EIF4ENIF1: variants seen among roughly 807,000 people sequenced by gnomAD.
EIF4ENIF1 encodes eukaryotic translation initiation factor 4E transporter.
A neutral mutation model predicts 110.5 loss-of-function variants in EIF4ENIF1; 23 were observed. That is an observed-to-expected ratio of 0.21 (90% CI 0.15 to 0.29). The LOEUF is 0.29. EIF4ENIF1 is among the 10% of genes least tolerant of loss of function. The probability of loss-of-function intolerance (pLI) is 1.00; values close to 1 mark genes in which losing one functional copy is unlikely to be tolerated. For synonymous variants in EIF4ENIF1, 440 were observed against 437.0 expected (o/e 1.01, Z -0.09); for missense variants, 1,031 against 1,221.1 (o/e 0.84, Z 2.32).
chr22:31,452,754 T>C (rs1264879498), intron 10 of EIF4ENIF1, among the ~76,000 whole-genome samples: 4 of 152,200 alleles, frequency 2.6e-5, no homozygotes, highest in Admixed American at 1.3e-4. Context: ...TAATAATTCT[T>C]TGTATAAAAG....
At position 31,439,822 on chromosome 22, in the gene EIF4ENIF1, AG is replaced by A. The variant is rs2050235414; in HGVS notation, c.*57del. ...CCCATAAACCAACCCGAGATGAAGC[AG>A]GGTCCTGCCCAGTGTGCCACCACAG... is the stretch of plus-strand genomic sequence containing the variant. On this transcript the variant is annotated 3_prime_UTR_variant, in exon 19 of 19. Coordinates refer to ENST00000330125, the MANE Select transcript of EIF4ENIF1 (RefSeq NM_019843.4). The A allele has an allele frequency of 3.8e-6, 6 of 1,587,602 alleles. No homozygotes were observed. In the South Asian group the frequency reaches 5.7e-5, roughly 15 times the overall value.
intron 2 of EIF4ENIF1, among the ~76,000 whole-genome samples, chr22:31,478,452 G>C (rs928361967): frequency 2.8e-5 from 4 of 142,286 alleles, no homozygotes; most frequent in African/African-American, 1.0e-4. Flanking sequence ...GGAGACAGAG[G>C]TTGTAGTGAG....
chr22:31,450,594 T>C, intron 10 of EIF4ENIF1: 1 of 387,532 alleles, frequency 2.6e-6, no homozygotes, highest in East Asian at 5.4e-5. Flanking sequence ...ATCCTCACTA[T>C]GCTAATCCTA....
chr22:31,476,623 G>A lies in EIF4ENIF1; in HGVS notation c.97-4706C>T, dbSNP rs540987590. On this transcript the variant is annotated intron_variant, in intron 2 of 18. Coordinates refer to ENST00000330125, the MANE Select transcript of EIF4ENIF1 (RefSeq NM_019843.4). ...AAATAGGAAAATATGGGCTGGGCAC[G>A]GTGGCTCACACATGTAATCACAGCA... Among the ~76,000 whole-genome samples the A allele has an allele frequency of 3.9e-5, 6 of 152,228 alleles. 1 individual carries two copies. In the South Asian group the frequency reaches 8.3e-4, roughly 21 times the overall value.
At position 31,441,732 on chromosome 22, in the gene EIF4ENIF1, G is replaced by A. The variant is rs376223550; in HGVS notation, c.2551+42C>T. The A allele has an allele frequency of 6.3e-5, 95 of 1,517,340 alleles. 1 individual carries two copies. The highest frequency in any genetic ancestry group is 7.8e-5 in the Non-Finnish European group (87 of 1,112,550). The allele number at this position is 1,517,340 out of a possible 1,614,324, so 94.0% of individuals were successfully genotyped here. A position where few individuals can be genotyped will look rare whatever the true frequency, so the allele number is the denominator to read the frequency against. On this transcript the variant is annotated intron_variant, in intron 17 of 18. Coordinates refer to ENST00000330125, the MANE Select transcript of EIF4ENIF1 (RefSeq NM_019843.4). ...CATCAGTGCCAACAATTGTCCCCTA[G>A]GCCCACAAACTGACGACACCCAAGT...
At position 31,444,682 on chromosome 22, in the gene EIF4ENIF1, C is replaced by T. The variant is rs2050406229; in HGVS notation, c.1997G>A (p.Arg666Gln). The change falls in exon 15 of 19, where the codon CGA (arginine) becomes CAA (glutamine). Residue 666 changes from arginine to glutamine, a missense_variant. Arg to Gln is a conservative substitution (Grantham distance 43, BLOSUM62 1). This residue lies in a region of EIF4ENIF1 where 704 missense variants were observed against 879.7 expected (regional missense o/e 0.80). Transcript: ENST00000330125. Reference protein sequence around the residue: ...TRDGFRNRQQRVTKSPAPVHR... With the variant: ...TRDGFRNRQQQVTKSPAPVHR... ...CACGGGTGCTGGTGACTTGGTCACT[C>T]GCTGTTGCCTGTGAACAAACCAATT... 5.6e-6 allele frequency: 9 copies of T among 1,613,880 alleles called. No homozygotes were observed. Among genetic ancestry groups the T allele is most frequent in the African/African-American group, 2.7e-5 (2 of 74,902 alleles).
chr22:31,475,702 G>C (rs1299828041), intron 2 of EIF4ENIF1, among the ~76,000 whole-genome samples: 1 of 146,576 alleles, frequency 6.8e-6, no homozygotes, highest in Non-Finnish European at 1.5e-5. Context: ...CAGCCTGGGT[G>C]ACAGAGCGAG....
rs2052195265 is a variant in EIF4ENIF1, at chr22:31,489,792, C to T, written c.-126G>A. On this transcript the variant is annotated 5_prime_UTR_variant, in exon 1 of 19. Transcript: ENST00000330125. Reference sequence around the variant, plus strand: ...CGCCGCTCCCCGCAGCCTTCGCTCTCGCGCCCCCACCCCGACCGGCTTGGG... The same window carrying T: ...CGCCGCTCCCCGCAGCCTTCGCTCTTGCGCCCCCACCCCGACCGGCTTGGG... 1 of 152,024 alleles carries T rather than the reference C, an allele frequency of 6.6e-6. No individual in the cohort carries two copies. Among genetic ancestry groups the T allele is most frequent in the African/African-American group, 2.4e-5 (1 of 41,292 alleles). 9.4% of individuals were successfully genotyped at this position (152,024 alleles called of 1,614,324 possible). A position where few individuals can be genotyped will look rare whatever the true frequency, so the allele number is the denominator to read the frequency against.
chr22:31,481,285 C>T (rs2051805652), intron 2 of EIF4ENIF1, among the ~76,000 whole-genome samples: 1 of 151,884 alleles, frequency 6.6e-6, no homozygotes, highest in Admixed American at 6.6e-5. Context: ...ACGTTAGCCT[C>T]TTGAGTATCT....
At chr22:31,441,753 C>T (rs764287067) in intron 17 of EIF4ENIF1, 21 bp downstream of exon 17, 9 of 1,591,066 alleles carry the variant, frequency 5.7e-6, no homozygotes, top group African/African-American at 1.3e-5. Context: ...TGACGACACC[C>T]AAGTCAGGCT....
At chr22:31,449,113 C>T (rs1371112354) in intron 12 of EIF4ENIF1, among the ~76,000 whole-genome samples, 1 of 152,088 alleles carries the variant, frequency 6.6e-6, no homozygotes, top group Non-Finnish European at 1.5e-5. Context: ...CAGATTCAAG[C>T]GATTCTCCTG....
intron 15 of EIF4ENIF1, 84 bp downstream of exon 15, chr22:31,444,522 T>C: frequency 7.5e-7 from 1 of 1,326,956 alleles, no homozygotes; most frequent in Non-Finnish European, 1.1e-6. Flanking sequence ...CTCAAGGACA[T>C]TTAGGGCACA....
chr22:31,442,933 G>A, intron 16 of EIF4ENIF1, 29 bp downstream of exon 16: 1 of 1,611,520 alleles, frequency 6.2e-7, no homozygotes, highest in Non-Finnish European at 8.5e-7. Context: ...ATACTTTCTT[G>A]AGCAGTGCCC....
At position 31,447,520 on chromosome 22, in the gene EIF4ENIF1, A is replaced by T; in HGVS notation, c.1894T>A (p.Leu632Met). ...LQQAALEGLALPHDLAVQAAN... is the reference protein window; with the variant it reads ...LQQAALEGLAMPHDLAVQAAN... ...GCCTGTACAGCAAGGTCATGTGGCAAGGCCAGCCCTTCTAAAGCTGCCTGT... is the reference window on the plus strand; with the variant it reads ...GCCTGTACAGCAAGGTCATGTGGCATGGCCAGCCCTTCTAAAGCTGCCTGT... Residue 632 changes from leucine to methionine, a missense_variant, in exon 14 of 19, where the codon TTG (leucine) becomes ATG (methionine). Physicochemically the swap from Leu to Met is conservative, Grantham distance 15. This residue lies in a region of EIF4ENIF1 where 704 missense variants were observed against 879.7 expected (regional missense o/e 0.80). Coordinates refer to ENST00000330125, the MANE Select transcript of EIF4ENIF1 (RefSeq NM_019843.4). The T allele has an allele frequency of 6.2e-7, 1 of 1,612,152 alleles. No homozygotes were observed. The highest frequency in any genetic ancestry group is 8.5e-7 in the Non-Finnish European group (1 of 1,178,968).
At chr22:31,449,215 G>T in intron 12 of EIF4ENIF1, 133 bp downstream of exon 12, 1 of 818,310 alleles carries the variant, frequency 1.2e-6, no homozygotes. Context: ...TCACCACGTT[G>T]GCCAGGCTGG....
At chr22:31,480,802 C>A (rs1452193766) in intron 2 of EIF4ENIF1, among the ~76,000 whole-genome samples, 4 of 152,030 alleles carry the variant, frequency 2.6e-5, no homozygotes, top group African/African-American at 9.7e-5. Flanking sequence ...CAGTGGCTCA[C>A]GTCTGTAACC....
intron 2 of EIF4ENIF1, among the ~76,000 whole-genome samples, chr22:31,478,806 G>T (rs1166922651): frequency 2.0e-5 from 3 of 151,888 alleles, no homozygotes; most frequent in African/African-American, 7.2e-5. Flanking sequence ...AAAAAAATTA[G>T]CCGGGCGTGG....
chr22:31,441,550 GA>G (rs771597260), intron 17 of EIF4ENIF1, among the ~76,000 whole-genome samples: 2,230 of 65,262 alleles, frequency 0.034, 42 homozygotes, highest in African/African-American at 0.091. Flanking sequence ...CTACAAAAAG[GA>G]AAAAAAAAAA....
Position 31,442,227 on chromosome 22 carries a change from C to T in EIF4ENIF1, c.2207-109G>A, listed in dbSNP as rs1266944603. ...TTAAGGTCACAATTCTTATCTGATA[C>T]CCTTAACAAGTTTAGAGGACTACAC... is the stretch of plus-strand genomic sequence containing the variant. On this transcript the variant is annotated intron_variant, in intron 16 of 18. Coordinates refer to ENST00000330125, the MANE Select transcript of EIF4ENIF1 (RefSeq NM_019843.4). 11 of 871,344 alleles carry T rather than the reference C, an allele frequency of 1.3e-5. No homozygotes were observed. In the Admixed American group the frequency reaches 2.6e-4, roughly 21 times the overall value. The allele number at this position is 871,344 out of a possible 1,614,324, so 54.0% of individuals were successfully genotyped here. A position where few individuals can be genotyped will look rare whatever the true frequency, so the allele number is the denominator to read the frequency against.
Sources: allele counts gnomAD v4.1 joint callset (sites outside exome capture counted in the v4.1 genomes callset), GRCh38; gene constraint gnomAD v4.1.1; regional missense constraint gnomAD v4.1.1; transcripts MANE v1.5; gene names NCBI Gene and HGNC (gene_info 2026-07-23, HGNC 2026-07-21).